PARP10: variants seen among roughly 807,000 people sequenced by gnomAD.
The protein encoded by PARP10 is poly(ADP-ribose) polymerase family member 10, also known as protein mono-ADP-ribosyltransferase PARP10.
PARP10 carries 56 observed loss-of-function variants against 82.4 expected under a neutral mutation model. That is an observed-to-expected ratio of 0.68 (90% confidence interval 0.55 to 0.85). The LOEUF (loss-of-function observed/expected upper bound fraction) is 0.85, where lower values mean the gene tolerates loss of function less well. PARP10 is among the 40% of genes least tolerant of loss of function. The probability of loss-of-function intolerance (pLI) is 0.00; values close to 1 mark genes in which losing one functional copy is unlikely to be tolerated. For missense variants in PARP10, 1,227 were observed against 1,379.4 expected (o/e 0.89, Z 1.75); for synonymous variants, 576 against 601.1 (o/e 0.96, Z 0.61).
rs372951482 is a variant in PARP10 at position 144,012,485 on chromosome 8, G to A, written c.-80+45C>T. 9.7e-4 allele frequency: 1,500 copies of A among 1,545,914 alleles called. 11 individuals are homozygous for A. Among genetic ancestry groups the A allele is most frequent in the Middle Eastern group, 4.8e-3 (28 of 5,852 alleles). The stretch of plus-strand genomic sequence containing the variant: ...CAGCCTCCAGGTGCAGTGCCCTCCC[G>A]TGGGCCGCACCCTTGCCACTGCCCC... On this transcript the variant is annotated intron_variant, in intron 1 of 3. Transcript: ENST00000530478.
rs544683685 is a variant in PARP10 at position 143,983,627 on chromosome 8, G to A, written c.1962C>T (p.Ala654=). The A allele has an allele frequency of 1.6e-5, 26 of 1,604,766 alleles. No homozygotes were observed. The highest frequency in any genetic ancestry group is 2.7e-5 in the African/African-American group (2 of 74,868). Residue 654 remains alanine (A), a synonymous_variant, in exon 8 of 11, where the codon GCC becomes GCT. Coordinates refer to ENST00000313028, the MANE Select transcript of PARP10 (RefSeq NM_032789.5). The part of the protein sequence containing the change: ...TVAPRWLEEE[A]ALQLALHRSL... ...ACCGGTGGAGGGCCAGCTGCAGAGC[G>A]GCCTCCTCCTCCAGCCACCTGGGTG...
At chr8:143,989,979 G>C (rs1834061973), upstream of PARP10, 1 of 152,024 alleles carries the variant, frequency 6.6e-6, no homozygotes, top group Non-Finnish European at 1.5e-5. The surrounding 1 kb of genome is among the most constrained non-coding windows in gnomAD (Gnocchi z 4.3). Context: ...CGCAGCGGGA[G>C]GGGTCCGCGG....
chr8:143,989,637 C>T (rs1834054279), upstream of PARP10: 1 of 152,186 alleles, frequency 6.6e-6, no homozygotes, highest in African/African-American at 2.4e-5. The surrounding 1 kb of genome is among the most constrained non-coding windows in gnomAD (Gnocchi z 4.3). Context: ...AGTAGCAGGC[C>T]TGGCAGAGTT....
intron 1 of PARP10, among the ~76,000 whole-genome samples, chr8:143,998,993 C>CTCCT (rs34794348): frequency 0.047 from 6,890 of 146,494 alleles, 524 homozygotes; most frequent in African/African-American, 0.16. Context: ...TTAATTCTTT[C>CTCCT]TCCTTCCTTC....
chr8:143,986,530 A>G, upstream of PARP10: 1 of 952,204 alleles, frequency 1.1e-6, no homozygotes, highest in African/African-American at 1.6e-5. Context: ...ACTGGGGCTC[A>G]GATGCTTCCT....
chr8:143,983,843 G>A, intron 7 of PARP10, 32 bp from the exon 8 acceptor site: 5 of 1,539,436 alleles, frequency 3.2e-6, no homozygotes, highest in Non-Finnish European at 4.4e-6. Flanking sequence ...TGGGTCAGGG[G>A]CTGGACCCAG....
chr8:143,986,159 AG>A lies in PARP10; in HGVS notation c.76del (p.Leu26CysfsTer18). On this transcript the variant is annotated frameshift_variant, in exon 2 of 11. Coordinates refer to ENST00000313028, the MANE Select transcript of PARP10 (RefSeq NM_032789.5). LOFTEE classifies it high-confidence loss of function. ...GCGGTTTTCAAAGTAGAGAGTGAGC[AG>A]CTCGTCGGGCACGGCAGGGGGCAGT... ...RGLPPAVPDE[L>X]LTLYFENRRR... The A allele has an allele frequency of 1.2e-6, 2 of 1,613,808 alleles. No homozygotes were observed.
chr8:143,981,309 G>A lies in PARP10; in HGVS notation c.2556+1623C>T, dbSNP rs559937080. On this transcript the variant is annotated intron_variant, in intron 9 of 10. Coordinates refer to ENST00000313028, the MANE Select transcript of PARP10 (RefSeq NM_032789.5). The stretch of plus-strand genomic sequence containing the variant: ...GGTGGCCACGGTGGTGGTGGTAGTG[G>A]TGGTGGTGATGGTGGTGACGACAGT... 3.0e-4 allele frequency among the ~76,000 whole-genome samples: 45 copies of A among 150,632 alleles called. 1 individual carries two copies. The East Asian group carries it at 6.8e-3, about 23-fold the overall frequency.
chr8:143,990,091 A>C (rs2133060316), upstream of PARP10: 1 of 148,204 alleles, frequency 6.7e-6, no homozygotes, highest in South Asian at 2.2e-4. The surrounding 1 kb of genome is among the most constrained non-coding windows in gnomAD (Gnocchi z 5.6). Flanking sequence ...CCGCAGGCGC[A>C]GGCCCAGCTG....
At chr8:143,986,613 C>A, upstream of PARP10, 1 of 606,992 alleles carries the variant, frequency 1.6e-6, no homozygotes, top group Non-Finnish European at 2.9e-6. Flanking sequence ...ACCCTCCAGC[C>A]AACCCAGCCC....
Position 143,984,804 on chromosome 8 carries a change from G to GCTCCT in PARP10, c.1197_1198insAGGAG (p.Leu400ArgfsTer33), listed in dbSNP as rs782662526. Reference sequence around the variant, plus strand: ...GGTGAGTCCATGGCAATTTCCACCAGGCCCTCCTGCCCCAGCAACCCCTTA... The same window carrying GCTCCT: ...GGTGAGTCCATGGCAATTTCCACCAGCTCCTGCCCTCCTGCCCCAGCAACCCCTTA... On this transcript the variant is annotated frameshift_variant, in exon 5 of 11. Transcript: ENST00000313028. LOFTEE classifies it high-confidence loss of function. 6.2e-7 allele frequency: 1 copy of GCTCCT among 1,612,684 alleles called. No homozygotes were observed. Among genetic ancestry groups the GCTCCT allele is most frequent in the South Asian group, 1.1e-5 (1 of 91,034 alleles).
At chr8:143,993,063 G>T, upstream of PARP10, 1 of 547,838 alleles carries the variant, frequency 1.8e-6, no homozygotes, top group African/African-American at 1.9e-5. Context: ...CCCCGCCAAG[G>T]GGCACCAAGG....
Position 143,984,203 on chromosome 8 carries a change from T to A in PARP10, c.1680+7A>T. The A allele has an allele frequency of 6.2e-7, 1 of 1,610,724 alleles. No homozygotes were observed. ...AGGGGAGGGCAGGGGTGGGACTCCA[T>A]CTCTACCTCTTCAAGGCCTGTGTCC... is the stretch of plus-strand genomic sequence containing the variant. On this transcript the variant is annotated splice_region_variant and intron_variant, in intron 6 of 10. Transcript: ENST00000313028.
Position 143,986,176 on chromosome 8 carries a change from A to AG in PARP10, c.59dup (p.Ala21CysfsTer12). The AG allele has an allele frequency of 6.2e-7, 1 of 1,613,860 alleles. No homozygotes were observed. The highest frequency in any genetic ancestry group is 8.5e-7 in the Non-Finnish European group (1 of 1,179,930). On this transcript the variant is annotated frameshift_variant, in exon 2 of 11. Transcript: ENST00000313028. LOFTEE classifies it high-confidence loss of function. ...GAGTGAGCAGCTCGTCGGGCACGGC[A>AG]GGGGGCAGTCCACGGACCTCCACTG...
At chr8:143,994,706 G>A (rs1489021058), upstream of PARP10, among the ~76,000 whole-genome samples, 9 of 152,156 alleles carry the variant, frequency 5.9e-5, no homozygotes, top group Non-Finnish European at 8.8e-5. Flanking sequence ...ACCTCCTGGA[G>A]TCCACCTTGC....
chr8:143,995,588 TAGAA>T (rs1232499162), upstream of PARP10, among the ~76,000 whole-genome samples: 2 of 151,966 alleles, frequency 1.3e-5, no homozygotes, highest in African/African-American at 4.8e-5. Context: ...ATTCTTCAGG[TAGAA>T]AGAAGACCAG....
At chr8:143,992,925 C>T (rs554353553), upstream of PARP10, 15 of 1,191,848 alleles carry the variant, frequency 1.3e-5, no homozygotes, top group African/African-American at 4.5e-5. Context: ...GCTGTACTTC[C>T]CCTCTCTCTT....
rs1833727419 is a variant in PARP10, at chr8:143,977,686, C to G, written c.2876G>C (p.Gly959Ala). ...LTGDYGQGRR[G>A]LRAPPLRGPG... ...ACCCCGCAGAGGGGGCGCCCGCAGA[C>G]CGCGGCGGCCCTGCCCGTAGTCGCC... The change falls in exon 11 of 11, where the codon GGT (glycine) becomes GCT (alanine). Residue 959 changes from glycine (G) to alanine (A), a missense_variant. Transcript: ENST00000313028. 2 of 1,591,706 alleles carry G rather than the reference C, an allele frequency of 1.3e-6. No homozygotes were observed. Among genetic ancestry groups the G allele is most frequent in the Non-Finnish European group, 1.7e-6 (2 of 1,169,966 alleles).
Position 143,977,762 on chromosome 8 carries a change from G to A in PARP10, c.2800C>T (p.Pro934Ser), listed in dbSNP as rs782806157. Residue 934 changes from proline (P) to serine (S), a missense_variant, in exon 11 of 11, where the codon CCC (proline) becomes TCC (serine). By Grantham distance (74) the Pro-to-Ser change is moderately conservative. Transcript: ENST00000313028. ...GCCTTATGGCCATCGGCGTTGGGGG[G>A]CGAGTAGCGGTCCTGCACCGACAGG... ...ASLSVQDRYS[P>S]PNADGHKAVF... 1.9e-6 allele frequency: 3 copies of A among 1,604,388 alleles called. No individual in the cohort carries two copies. Among genetic ancestry groups the A allele is most frequent in the South Asian group, 1.1e-5 (1 of 89,882 alleles).
Sources: allele counts gnomAD v4.1 joint callset (sites outside exome capture counted in the v4.1 genomes callset), GRCh38; gene constraint gnomAD v4.1.1; non-coding constraint Gnocchi (gnomAD v3.1); transcripts MANE v1.5; gene names NCBI Gene and HGNC (gene_info 2026-07-23, HGNC 2026-07-21).